The following TNKS variants were observed in gnomAD, a reference collection of about 807,000 sequenced individuals.
The protein encoded by TNKS is tankyrase.
In TNKS, 72 loss-of-function variants were observed where a neutral mutation model predicts 135.8. The ratio of observed to expected loss-of-function variants is 0.53; its 90% CI spans 0.44 to 0.64. TNKS has a LOEUF of 0.64. Ranked by LOEUF, TNKS falls within the 30% of genes least tolerant of loss-of-function variation. The pLI is 0.00. For synonymous variants in TNKS, 849 were observed against 649.3 expected (o/e 1.31, Z -4.68); for missense variants, 1,769 against 1,674.0 (o/e 1.06, Z -0.99).
At chr8:9,632,059 A>G (rs1323496381) in intron 3 of TNKS, among the ~76,000 whole-genome samples, 1 of 152,204 alleles carries the variant, frequency 6.6e-6, no homozygotes, top group Non-Finnish European at 1.5e-5. Context: ...CTGAAAGCTT[A>G]ATGATATTAA....
intron 2 of TNKS, among the ~76,000 whole-genome samples, chr8:9,606,534 A>C (rs1352679080): frequency 6.6e-6 from 1 of 152,000 alleles, no homozygotes; most frequent in East Asian, 1.9e-4. Context: ...ACAGTTTCCC[A>C]CTTGATTATC....
chr8:9,729,376 C>T (rs1174829252), intron 13 of TNKS, among the ~76,000 whole-genome samples: 2 of 152,160 alleles, frequency 1.3e-5, no homozygotes, highest in Admixed American at 6.5e-5. Flanking sequence ...ATTACTGTGA[C>T]GGAAGTGGCA....
chr8:9,608,395 C>T (rs1341601397), intron 2 of TNKS, among the ~76,000 whole-genome samples: 3 of 152,016 alleles, frequency 2.0e-5, no homozygotes, highest in East Asian at 1.9e-4. Context: ...TCATAACTAA[C>T]GTTGATGCTA....
intron 3 of TNKS, chr8:9,670,986 A>G (rs1433988990): frequency 6.6e-6 from 1 of 152,256 alleles, no homozygotes; most frequent in Admixed American, 6.5e-5. Context: ...GCAGATAACA[A>G]GTGAGAAGGA....
intron 2 of TNKS, among the ~76,000 whole-genome samples, chr8:9,592,009 C>A (rs899548088): frequency 6.6e-6 from 1 of 152,254 alleles, no homozygotes; most frequent in South Asian, 2.1e-4. Flanking sequence ...TCAGCTATTT[C>A]ATGTGAAAAC....
chr8:9,663,838 T>TC (rs1453720358), intron 3 of TNKS, among the ~76,000 whole-genome samples: 7 of 152,182 alleles, frequency 4.6e-5, no homozygotes, highest in African/African-American at 1.7e-4. Flanking sequence ...CCATACTCCC[T>TC]CCCAGTGCTC....
rs1016168702 is a variant in TNKS, at chr8:9,604,431, A to G, written c.899-11151A>G. On this transcript the variant is annotated intron_variant, in intron 2 of 26. Transcript: ENST00000310430. ...CAGCTGCAAAATAATTGCTTTTTGCAAGTTGGTAGTAGAATTAAATAGAAT... is the reference window on the plus strand; with the variant it reads ...CAGCTGCAAAATAATTGCTTTTTGCGAGTTGGTAGTAGAATTAAATAGAAT... 5.1e-4 allele frequency among the ~76,000 whole-genome samples: 78 copies of G among 152,268 alleles called. 2 individuals carry two copies. Among genetic ancestry groups the G allele is most frequent in the Admixed American group, 4.8e-3 (73 of 15,304 alleles).
intron 1 of TNKS, among the ~76,000 whole-genome samples, chr8:9,567,060 T>G (rs1461656233): frequency 6.6e-6 from 1 of 152,248 alleles, no homozygotes; most frequent in Non-Finnish European, 1.5e-5. Flanking sequence ...ATCTGTATTT[T>G]GTGTCATTTT....
chr8:9,633,972 T>G (rs1256758473), intron 3 of TNKS, among the ~76,000 whole-genome samples: 1 of 152,090 alleles, frequency 6.6e-6, no homozygotes, highest in East Asian at 1.9e-4. Context: ...AGAAACTATG[T>G]GAAATAACAT....
intron 17 of TNKS, 97 bp downstream of exon 17, chr8:9,735,583 G>A (rs1805658545): frequency 2.3e-6 from 2 of 858,812 alleles, no homozygotes; most frequent in Non-Finnish European, 3.8e-6. Context: ...GGTAGATCAC[G>A]AGGTCAGGAG....
intron 2 of TNKS, among the ~76,000 whole-genome samples, chr8:9,589,711 G>A (rs1798518224): frequency 6.6e-6 from 1 of 152,262 alleles, no homozygotes; most frequent in Non-Finnish European, 1.5e-5. Flanking sequence ...GATATAGCGG[G>A]GCTGGGAGCC....
chr8:9,697,403 T>C (rs1338843870), intron 5 of TNKS, among the ~76,000 whole-genome samples: 1 of 152,180 alleles, frequency 6.6e-6, no homozygotes, highest in African/African-American at 2.4e-5. Flanking sequence ...AGAGAATTTT[T>C]GGCTAAGTCT....
intron 3 of TNKS, among the ~76,000 whole-genome samples, chr8:9,672,703 CACACACACAA>C (rs1802346141): frequency 8.7e-6 from 1 of 114,780 alleles, no homozygotes; most frequent in African/African-American, 3.2e-5. Flanking sequence ...CACACACACA[CACACACACAA>C]AAAAAAAAAA....
intron 5 of TNKS, among the ~76,000 whole-genome samples, chr8:9,693,279 G>C (rs1803362689): frequency 6.6e-6 from 1 of 152,136 alleles, no homozygotes; most frequent in Non-Finnish European, 1.5e-5. Context: ...CTAATATTAA[G>C]AGGAAAGAAG....
intron 3 of TNKS, among the ~76,000 whole-genome samples, chr8:9,619,700 G>A (rs1482946875): frequency 6.6e-6 from 1 of 152,050 alleles, no homozygotes; most frequent in African/African-American, 2.4e-5. Flanking sequence ...ATCAGCTGTG[G>A]CTCAGGCCAC....
At chr8:9,683,163 C>G (rs1293789230) in intron 5 of TNKS, among the ~76,000 whole-genome samples, 2 of 151,880 alleles carry the variant, frequency 1.3e-5, no homozygotes, top group Non-Finnish European at 2.9e-5. Flanking sequence ...ATTAAATGTA[C>G]CAGTTGCAGT....
At chr8:9,557,342 C>T (rs573471249) in intron 1 of TNKS, 1 of 151,320 alleles carries the variant, frequency 6.6e-6, no homozygotes, top group East Asian at 1.9e-4. Flanking sequence ...AAGTATCTGG[C>T]ACAAAGTTCT....
At position 9,650,214 on chromosome 8, in the gene TNKS, C is replaced by T. The variant is rs1358413906; in HGVS notation, c.995-29737C>T. ...GCCTATACCACAGTTTCTTTATCTG[C>T]TTGTCGATTGATGGGCATTTGGGCT... On this transcript the variant is annotated intron_variant, in intron 3 of 26. Coordinates refer to ENST00000310430, the MANE Select transcript of TNKS (RefSeq NM_003747.3). Among the ~76,000 whole-genome samples the T allele has an allele frequency of 3.9e-5, 6 of 152,024 alleles. No individual in the cohort carries two copies. The South Asian group carries it at 8.3e-4, about 21-fold the overall frequency.
At chr8:9,660,116 G>A (rs559994689) in intron 3 of TNKS, among the ~76,000 whole-genome samples, 9 of 152,240 alleles carry the variant, frequency 5.9e-5, no homozygotes, top group African/African-American at 2.2e-4. Flanking sequence ...ACCAAAAAAA[G>A]TCCAGGACCA....
Sources: allele counts gnomAD v4.1 joint callset (sites outside exome capture counted in the v4.1 genomes callset), GRCh38; gene constraint gnomAD v4.1.1; transcripts MANE v1.5; gene names NCBI Gene and HGNC (gene_info 2026-07-23, HGNC 2026-07-21).